The following MYO3A variants were observed in gnomAD, a reference collection of about 807,000 sequenced individuals.
The protein encoded by MYO3A is myosin IIIA, also known as myosin-IIIa.
In MYO3A, 180 loss-of-function variants were observed where a neutral mutation model predicts 192.7. The observed-to-expected ratio is 0.93, with a 90% CI of 0.83 to 1.06. The LOEUF (loss-of-function observed/expected upper bound fraction) is 1.06, where lower values mean the gene tolerates loss of function less well. Ranked by LOEUF, MYO3A falls within the 50% of genes least tolerant of loss-of-function variation. The pLI is 0.00. For missense variants in MYO3A, 1,896 were observed against 1,905.0 expected (o/e 1.00, Z 0.09); for synonymous variants, 628 against 645.3 (o/e 0.97, Z 0.41).
chr10:25,979,877 A>G (rs1472204298), intron 4 of MYO3A, among the ~76,000 whole-genome samples: 1 of 152,220 alleles, frequency 6.6e-6, no homozygotes, highest in African/African-American at 2.4e-5. Flanking sequence ...ACAGTAAAAC[A>G]TATTTTCAAA....
At chr10:26,035,687 A>G (rs951227954) in intron 10 of MYO3A, among the ~76,000 whole-genome samples, 2 of 152,204 alleles carry the variant, frequency 1.3e-5, no homozygotes, top group Non-Finnish European at 2.9e-5. Flanking sequence ...AATAGCCAAC[A>G]AAGCTGTAAC....
rs1249567182 is a variant in MYO3A, at chr10:26,125,384, T to G, written c.1904-14T>G. 1 of 1,613,592 alleles carries G rather than the reference T, an allele frequency of 6.2e-7. No homozygotes were observed. Among genetic ancestry groups the G allele is most frequent in the East Asian group, 2.2e-5 (1 of 44,808 alleles). On this transcript the variant is annotated splice_polypyrimidine_tract_variant and intron_variant, in intron 18 of 34. Transcript: ENST00000642920. Reference sequence around the variant, plus strand: ...CCATAATTTCTTCTAACAATGCATCTGTTTGTTTTTCAGGTGCTTCTTTGC... The same window carrying G: ...CCATAATTTCTTCTAACAATGCATCGGTTTGTTTTTCAGGTGCTTCTTTGC...
At chr10:26,041,834 T>C (rs1167884452) in intron 10 of MYO3A, among the ~76,000 whole-genome samples, 2 of 152,142 alleles carry the variant, frequency 1.3e-5, no homozygotes, top group Admixed American at 6.5e-5. Context: ...GATTGGTTCA[T>C]CTTTTAGTCT....
chr10:26,110,680 G>A (rs144339754), intron 17 of MYO3A, among the ~76,000 whole-genome samples: 8 of 152,200 alleles, frequency 5.3e-5, no homozygotes, highest in Admixed American at 3.9e-4. Flanking sequence ...TGGATACCTC[G>A]TGTAAAGGAT....
chr10:25,971,853 T>A (rs1291688874), intron 4 of MYO3A, among the ~76,000 whole-genome samples: 1 of 152,130 alleles, frequency 6.6e-6, no homozygotes, highest in African/African-American at 2.4e-5. Context: ...TGTTTGTGTG[T>A]TTGTTTGGAG....
intron 31 of MYO3A, among the ~76,000 whole-genome samples, chr10:26,192,286 A>C (rs951958466): frequency 6.6e-6 from 1 of 152,230 alleles, no homozygotes; most frequent in African/African-American, 2.4e-5. Context: ...TTTTAATGTC[A>C]TATCTAAAAC....
chr10:25,992,412 T>C (rs1840098725), intron 4 of MYO3A, among the ~76,000 whole-genome samples: 1 of 152,256 alleles, frequency 6.6e-6, no homozygotes. Context: ...GATTTTGGGC[T>C]GAGACAATGG....
In MYO3A at chr10:26,026,390, G is replaced by A. The variant is rs141333183; in HGVS notation, c.811G>A (p.Asp271Asn). The change falls in exon 10 of 35, where the codon GAT (aspartate) becomes AAT (asparagine). Residue 271 changes from aspartate (D) to asparagine (N), a missense_variant. Transcript: ENST00000642920. ...NDFISKCLTK[D>N]YEKRPTVSEL... ...TTGCCAGTGCAGGTGCTTGACTAAA[G>A]ATTATGAAAAGCGTCCAACAGTGTC... The A allele has an allele frequency of 1.2e-6, 2 of 1,614,108 alleles. No individual in the cohort carries two copies. Among genetic ancestry groups the A allele is most frequent in the African/African-American group, 2.7e-5 (2 of 75,046 alleles).
In MYO3A at chr10:25,952,232, A is replaced by G; in HGVS notation, c.122A>G (p.Lys41Arg). ...GGGAAAGTTTTTAAAGTATTGAATA[A>G]GAAAAATGGCCAAAAAGCAGCAGTC... Reference protein sequence around the residue: ...TYGKVFKVLNKKNGQKAAVKI... With the variant: ...TYGKVFKVLNRKNGQKAAVKI... The change falls in exon 3 of 35, where the codon AAG (lysine) becomes AGG (arginine). Residue 41 changes from lysine (K) to arginine (R), a missense_variant. Transcript: ENST00000642920. 2 of 1,612,882 alleles carry G rather than the reference A, an allele frequency of 1.2e-6. No homozygotes were observed. The highest frequency in any genetic ancestry group is 1.7e-6 in the Non-Finnish European group (2 of 1,179,288).
intron 6 of MYO3A, among the ~76,000 whole-genome samples, chr10:26,011,471 A>T (rs1841656615): frequency 6.6e-6 from 1 of 152,142 alleles, no homozygotes; most frequent in Admixed American, 6.5e-5. Context: ...TGATTTATAT[A>T]CTTAGTTTAC....
intron 4 of MYO3A, among the ~76,000 whole-genome samples, chr10:25,962,493 A>G (rs543094506): frequency 6.6e-6 from 1 of 152,268 alleles, no homozygotes; most frequent in Non-Finnish European, 1.5e-5. Context: ...TTGTCATTCA[A>G]TATTTTAGGT....
intron 10 of MYO3A, among the ~76,000 whole-genome samples, chr10:26,037,121 C>T (rs1843079393): frequency 6.6e-6 from 1 of 152,174 alleles, no homozygotes; most frequent in African/African-American, 2.4e-5. Context: ...TAACACCTAT[C>T]TGGTAAAGGT....
chr10:26,099,658 A>G (rs1363848689), intron 17 of MYO3A, among the ~76,000 whole-genome samples: 2 of 152,132 alleles, frequency 1.3e-5, no homozygotes, highest in Admixed American at 1.3e-4. Context: ...TTCTGCATCT[A>G]TTGAGATAAT....
intron 17 of MYO3A, among the ~76,000 whole-genome samples, chr10:26,103,467 C>T (rs541435932): frequency 1.3e-4 from 20 of 152,192 alleles, no homozygotes; most frequent in Non-Finnish European, 2.5e-4. Flanking sequence ...TTGTTGCTCA[C>T]GCTGGGAGCT....
chr10:26,044,954 G>T (rs371408320), intron 10 of MYO3A, among the ~76,000 whole-genome samples: 48 of 152,344 alleles, frequency 3.2e-4, no homozygotes, highest in African/African-American at 9.1e-4. Context: ...CATGCCTGGT[G>T]TGCAGGCTGT....
intron 4 of MYO3A, among the ~76,000 whole-genome samples, chr10:25,979,358 T>TA (rs1839158179): frequency 6.6e-6 from 1 of 151,726 alleles, no homozygotes; most frequent in Non-Finnish European, 1.5e-5. Flanking sequence ...ATCACCATCT[T>TA]ACCAGGGTCA....
chr10:26,168,343 A>G lies in MYO3A; in HGVS notation c.3112-369A>G, dbSNP rs199690566. On this transcript the variant is annotated intron_variant, in intron 27 of 34. Transcript: ENST00000642920. ...TAATAAGATCTATTCAGATTTTTTT[A>G]ATTTGGGAAATATAGTTGCCTTTAA... 3.4e-5 allele frequency among the ~76,000 whole-genome samples: 5 copies of G among 147,920 alleles called. No individual in the cohort carries two copies. The South Asian group carries it at 1.1e-3, about 32-fold the overall frequency.
At chr10:25,975,932 C>A (rs1316476159) in intron 4 of MYO3A, among the ~76,000 whole-genome samples, 1 of 152,106 alleles carries the variant, frequency 6.6e-6, no homozygotes, top group Non-Finnish European at 1.5e-5. Context: ...ATAAAGTGTA[C>A]CCACCCAATT....
At chr10:26,198,858 C>T (rs1343072320) in intron 32 of MYO3A, among the ~76,000 whole-genome samples, 2 of 152,146 alleles carry the variant, frequency 1.3e-5, no homozygotes, top group South Asian at 2.1e-4. Context: ...CAGGAAATTG[C>T]CATGGGACAT....
Sources: gnomAD v4.1 joint callset for allele counts (sites outside exome capture counted in the v4.1 genomes callset) on GRCh38, gnomAD v4.1.1 for gene constraint, MANE v1.5 for transcripts, NCBI Gene and HGNC (gene_info 2026-07-23, HGNC 2026-07-21) for gene names.